Variants in CD302 observed in about 807,000 individuals in gnomAD.
CD302 encodes CD302 antigen.
CD302 carries 23 observed loss-of-function variants against 26.5 expected under a neutral mutation model. That is an observed-to-expected ratio of 0.87 (90% confidence interval 0.62 to 1.23). CD302 has a LOEUF of 1.23. Among genes scored for constraint, CD302 ranks in the 50% most tolerant of loss-of-function variants. The pLI is 0.00. For synonymous variants in CD302, 90 were observed against 99.4 expected (o/e 0.91, Z 0.56); for missense variants, 290 against 275.5 (o/e 1.05, Z -0.37).
rs1708149339 is a variant in CD302, at chr2:159,771,652, G to C, written c.*199C>G. The stretch of plus-strand genomic sequence containing the variant: ...CGGGATGCTTAAAATCACTATATTA[G>C]ATCTAAGATCATTTCTAAAACCTGT... On this transcript the variant is annotated 3_prime_UTR_variant, in exon 6 of 6. Transcript: ENST00000259053. The C allele has an allele frequency of 1.7e-6, 1 of 585,380 alleles. No homozygotes were observed. Among genetic ancestry groups the C allele is most frequent in the African/African-American group, 1.9e-5 (1 of 53,096 alleles). 36.3% of individuals were successfully genotyped at this position (585,380 alleles called of 1,614,324 possible).
chr2:159,771,644 C>G lies in CD302; in HGVS notation c.*207G>C, dbSNP rs3771721. 0.35 allele frequency: 185,770 copies of G among 532,286 alleles called. 33,421 individuals are homozygous for G. The highest frequency in any genetic ancestry group is 0.44 in the South Asian group (17,867 of 40,678). 33.0% of individuals were successfully genotyped at this position (532,286 alleles called of 1,614,324 possible). On this transcript the variant is annotated 3_prime_UTR_variant, in exon 6 of 6. Coordinates refer to ENST00000259053, the MANE Select transcript of CD302 (RefSeq NM_014880.5). ...GCCTTTGACGGGATGCTTAAAATCA[C>G]TATATTAGATCTAAGATCATTTCTA...
chr2:159,773,095 G>C (rs1485807933), intron 5 of CD302, among the ~76,000 whole-genome samples: 1 of 152,154 alleles, frequency 6.6e-6, no homozygotes, highest in Non-Finnish European at 1.5e-5. Flanking sequence ...TTTTGGCTAC[G>C]GCAACCTCCG....
In CD302 at chr2:159,780,042, T is replaced by G. The variant is rs773037045; in HGVS notation, c.432A>C (p.Glu144Asp). ...ATAGTGTTCCTTCCACAGAAGAAAC[T>G]TCACAATTTCCTTTTTTCCATTCAC... Reference protein sequence around the residue: ...KTGEWKKGNCEVSSVEGTLCK... With the variant: ...KTGEWKKGNCDVSSVEGTLCK... The change falls in exon 4 of 6, where the codon GAA becomes GAC. Residue 144 changes from glutamate to aspartate, a missense_variant. Glu to Asp is a conservative substitution (Grantham distance 45). Transcript: ENST00000259053. The G allele has an allele frequency of 2.9e-5, 47 of 1,614,030 alleles. 1 individual carries two copies. In the South Asian group the frequency reaches 4.8e-4, roughly 17 times the overall value.
At chr2:159,785,549 C>G (rs1708644518) in intron 1 of CD302, among the ~76,000 whole-genome samples, 1 of 152,194 alleles carries the variant, frequency 6.6e-6, no homozygotes, top group Non-Finnish European at 1.5e-5. Context: ...CGCCAGACAG[C>G]TTTGTAGGAG....
At position 159,771,936 on chromosome 2, in the gene CD302, A is replaced by G; in HGVS notation, c.614T>C (p.Phe205Ser). The change falls in exon 6 of 6, where the codon TTT becomes TCT. Residue 205 changes from phenylalanine to serine, a missense_variant. Coordinates refer to ENST00000259053, the MANE Select transcript of CD302 (RefSeq NM_014880.5). ...KHSDSRFTTVFSTAPQSPYNE... is the reference protein window; with the variant it reads ...KHSDSRFTTVSSTAPQSPYNE... ...ATAAGGTGATTGGGGTGCGGTTGAA[A>G]AAACTGTGGTGAAACGAGAATCAGA... 1 of 1,614,058 alleles carries G rather than the reference A, an allele frequency of 6.2e-7. No individual in the cohort carries two copies. The highest frequency in any genetic ancestry group is 2.2e-5 in the East Asian group (1 of 44,848).
At chr2:159,795,707 A>G (rs1473447598) in intron 1 of CD302, among the ~76,000 whole-genome samples, 1 of 152,200 alleles carries the variant, frequency 6.6e-6, no homozygotes, top group African/African-American at 2.4e-5. Context: ...GTGTTGGAGT[A>G]CCCAGATACT....
At chr2:159,781,860 G>A (rs1415569074) in intron 2 of CD302, among the ~76,000 whole-genome samples, 1 of 144,254 alleles carries the variant, frequency 6.9e-6, no homozygotes, top group East Asian at 2.0e-4. Flanking sequence ...AATAACTTTG[G>A]TGTTTACATT....
intron 1 of CD302, 94 bp downstream of exon 1, chr2:159,798,038 C>T: frequency 1.6e-6 from 2 of 1,232,514 alleles, no homozygotes; most frequent in Non-Finnish European, 2.2e-6. Context: ...CGTCTGCGGG[C>T]CGCCCTCGGG....
At chr2:159,782,816 G>A (rs1340465619) in intron 2 of CD302, among the ~76,000 whole-genome samples, 1 of 151,708 alleles carries the variant, frequency 6.6e-6, no homozygotes, top group Non-Finnish European at 1.5e-5. Flanking sequence ...CTAGCAAATA[G>A]CCTTTTTATA....
At chr2:159,783,338 A>G (rs768386592) in intron 2 of CD302, 21 bp downstream of exon 2, 2 of 1,542,390 alleles carry the variant, frequency 1.3e-6, no homozygotes, top group Admixed American at 2.3e-5. Context: ...AAAAACAAAC[A>G]GAAAAGAATA....
chr2:159,777,026 G>A (rs901132398), intron 5 of CD302, among the ~76,000 whole-genome samples: 7 of 151,822 alleles, frequency 4.6e-5, no homozygotes, highest in African/African-American at 1.7e-4. Context: ...GGAGGCTGAG[G>A]CGGGTGGATC....
rs1182251154 is a variant in CD302, at chr2:159,770,686, A to AGAT, written c.*1162_*1164dup. 6.6e-6 allele frequency: 1 copy of AGAT among 152,182 alleles called. No homozygotes were observed. The highest frequency in any genetic ancestry group is 2.4e-5 in the African/African-American group (1 of 41,462). 9.4% of individuals were successfully genotyped at this position (152,182 alleles called of 1,614,324 possible). ...TTTTTACTGTACCTTTTCTATATTT[A>AGAT]GATACACAAATATTGTGTTACAATT... On this transcript the variant is annotated 3_prime_UTR_variant, in exon 6 of 6. Coordinates refer to ENST00000259053, the MANE Select transcript of CD302 (RefSeq NM_014880.5).
In CD302 at chr2:159,768,721, T is replaced by G. The variant is rs573241602; in HGVS notation, c.*3130A>C. The stretch of plus-strand genomic sequence containing the variant: ...TTTGCTCACCTCTTGCCAGTTACCT[T>G]TGCATTGTCTGTCTTAAAGCAAAAA... On this transcript the variant is annotated 3_prime_UTR_variant, in exon 6 of 6. Coordinates refer to ENST00000259053, the MANE Select transcript of CD302 (RefSeq NM_014880.5). The G allele has an allele frequency of 6.5e-6, 1 of 152,674 alleles. No individual in the cohort carries two copies. Among genetic ancestry groups the G allele is most frequent in the South Asian group, 2.1e-4 (1 of 4,830 alleles). 9.5% of individuals were successfully genotyped at this position (152,674 alleles called of 1,614,324 possible).
At chr2:159,783,956 G>A (rs902167769) in intron 1 of CD302, among the ~76,000 whole-genome samples, 13 of 152,098 alleles carry the variant, frequency 8.5e-5, no homozygotes, top group South Asian at 6.2e-4. Flanking sequence ...ATATTGCACA[G>A]GAAAACAAGA....
chr2:159,777,050 A>C (rs1708356029), intron 5 of CD302, among the ~76,000 whole-genome samples: 1 of 151,958 alleles, frequency 6.6e-6, no homozygotes, highest in South Asian at 2.1e-4. Flanking sequence ...TGAACCCAGG[A>C]GTTTGAGACT....
chr2:159,774,476 G>T (rs1034798095), intron 5 of CD302, among the ~76,000 whole-genome samples: 7 of 152,142 alleles, frequency 4.6e-5, no homozygotes, highest in African/African-American at 1.7e-4. Flanking sequence ...AAAACTATAT[G>T]AAACATTTTG....
chr2:159,777,899 T>A (rs755482107), intron 5 of CD302, 39 bp downstream of exon 5: 1 of 983,888 alleles, frequency 1.0e-6, no homozygotes, highest in South Asian at 1.5e-5. Context: ...GATATATTTT[T>A]AATTGTGGGA....
At chr2:159,773,203 A>G (rs1467512134) in intron 5 of CD302, among the ~76,000 whole-genome samples, 2 of 152,094 alleles carry the variant, frequency 1.3e-5, no homozygotes, top group Admixed American at 1.3e-4. Context: ...TTTAGTAGAG[A>G]CAGTTTTGCC....
chr2:159,770,584 G>A lies in CD302; in HGVS notation c.*1267C>T, dbSNP rs1323717004. 6.6e-6 allele frequency: 1 copy of A among 152,118 alleles called. No individual in the cohort carries two copies. The highest frequency in any genetic ancestry group is 6.5e-5 in the Admixed American group (1 of 15,272). The allele number at this position is 152,118 out of a possible 1,614,324, so 9.4% of individuals were successfully genotyped here. ...TTCAGAAGAGGGATTACTTTTCTTT[G>A]AGCCTCAGACTTCTAGACAGTATAC... On this transcript the variant is annotated 3_prime_UTR_variant, in exon 6 of 6. Transcript: ENST00000259053.
Sources: allele counts gnomAD v4.1 joint callset (sites outside exome capture counted in the v4.1 genomes callset), GRCh38; gene constraint gnomAD v4.1.1; transcripts MANE v1.5; gene names NCBI Gene and HGNC (gene_info 2026-07-23, HGNC 2026-07-21).